Variants in CASZ1 observed in about 807,000 individuals in gnomAD.
CASZ1 encodes castor zinc finger 1, also known as zinc finger protein castor homolog 1.
A neutral mutation model predicts 135.2 loss-of-function variants in CASZ1; 28 were observed. That is an observed-to-expected ratio of 0.21 (90% CI 0.15 to 0.28). The LOEUF (loss-of-function observed/expected upper bound fraction) is 0.28. Among genes scored for constraint, CASZ1 ranks in the 10% least tolerant of loss-of-function variants. CASZ1 has a pLI of 1.00. For synonymous variants in CASZ1, 1,068 were observed against 1,073.4 expected (o/e 0.99, Z 0.10); for missense variants, 2,161 against 2,453.3 (o/e 0.88, Z 2.52).
At chr1:10,680,478 G>T (rs1005174142) in intron 4 of CASZ1, among the ~76,000 whole-genome samples, 4 of 152,188 alleles carry the variant, frequency 2.6e-5, no homozygotes, top group Non-Finnish European at 1.5e-5. Context: ...ATCCTGAGCA[G>T]CTACTGGCAC....
At chr1:10,718,108 C>T (rs2100477586) in intron 2 of CASZ1, among the ~76,000 whole-genome samples, 1 of 152,334 alleles carries the variant, frequency 6.6e-6, no homozygotes, top group Non-Finnish European at 1.5e-5. Context: ...TGCCACAGGG[C>T]CAGGGGCAGG....
intron 8 of CASZ1, among the ~76,000 whole-genome samples, chr1:10,656,163 T>G (rs1033713043): frequency 1.3e-5 from 2 of 152,096 alleles, no homozygotes; most frequent in Non-Finnish European, 1.5e-5. Flanking sequence ...CAGGCTGGGA[T>G]CCCTGGCAAG....
At chr1:10,731,866 C>T (rs980845299) in intron 2 of CASZ1, among the ~76,000 whole-genome samples, 3 of 152,202 alleles carry the variant, frequency 2.0e-5, no homozygotes, top group African/African-American at 7.2e-5. Context: ...CAACTCCACT[C>T]TTCTCACTAA....
In CASZ1 at chr1:10,720,520, C is replaced by A. The variant is rs1301064875; in HGVS notation, c.-76-14976G>T. 2.0e-5 allele frequency among the ~76,000 whole-genome samples: 3 copies of A among 152,178 alleles called. No individual in the cohort carries two copies. The highest frequency in any genetic ancestry group is 7.2e-5 in the African/African-American group (3 of 41,456). ...CGAAAGCAGCCACCAAGGCCCTGGA[C>A]TGTAAGGCTGGAGGGGAAGGTGGGA... On this transcript the variant is annotated intron_variant, in intron 2 of 20. Coordinates refer to ENST00000377022, the MANE Select transcript of CASZ1 (RefSeq NM_001079843.3). This position sits in a 1 kb window ranked among gnomAD's most constrained non-coding sequence, Gnocchi z 5.7.
In CASZ1 at chr1:10,776,230, A is replaced by G. The variant is rs1640659605; in HGVS notation, c.-233-15373T>C. Among the ~76,000 whole-genome samples the G allele has an allele frequency of 6.6e-6, 1 of 152,254 alleles. No individual in the cohort carries two copies. Among genetic ancestry groups the G allele is most frequent in the Non-Finnish European group, 1.5e-5 (1 of 68,036 alleles). On this transcript the variant is annotated intron_variant, in intron 1 of 20. Transcript: ENST00000377022. This position sits in a 1 kb window ranked among gnomAD's most constrained non-coding sequence, Gnocchi z 4.1. Reference sequence around the variant, plus strand: ...CCAGGGGAAGAGCTAAAATTAACATAGAGCGAGCAGTGTTTGCTATTACAT... The same window carrying G: ...CCAGGGGAAGAGCTAAAATTAACATGGAGCGAGCAGTGTTTGCTATTACAT...
In CASZ1 at chr1:10,701,972, G is replaced by A. The variant is rs112394657; in HGVS notation, c.-24+3520C>T. ...CTACTGAGGCTTCTCTTGGGCTTCC[G>A]GCCCCGCTGCCTGGGCGGCGTCTGT... On this transcript the variant is annotated intron_variant, in intron 3 of 20. Transcript: ENST00000377022. The surrounding 1 kb of genome is among the most constrained non-coding windows in gnomAD (Gnocchi z 6.3). Among the ~76,000 whole-genome samples, 201 of 152,320 alleles carry A rather than the reference G, an allele frequency of 1.3e-3. 1 individual carries two copies. The highest frequency in any genetic ancestry group is 4.7e-3 in the African/African-American group (194 of 41,576).
chr1:10,795,278 C>T (rs1641043373), intron 1 of CASZ1, among the ~76,000 whole-genome samples: 1 of 152,184 alleles, frequency 6.6e-6, no homozygotes, highest in African/African-American at 2.4e-5. Context: ...TGCCGTTAAG[C>T]CGGACCCTAA....
At chr1:10,651,217 C>T (rs1038683251) in intron 11 of CASZ1, 141 bp from the exon 12 acceptor site, 37 of 520,360 alleles carry the variant, frequency 7.1e-5, no homozygotes, top group Non-Finnish European at 1.0e-4. Context: ...CTGACGTGAT[C>T]GCTCGCGACG....
At chr1:10,785,165 CTTCT>C (rs1338349073) in intron 1 of CASZ1, among the ~76,000 whole-genome samples, 1 of 147,354 alleles carries the variant, frequency 6.8e-6, no homozygotes, top group Non-Finnish European at 1.5e-5. Flanking sequence ...TCCTTCCTTC[CTTCT>C]TTTCCTCCCT....
rs1640621441 is a variant in CASZ1 at position 10,774,116 on chromosome 1, A to G, written c.-233-13259T>C. On this transcript the variant is annotated intron_variant, in intron 1 of 20. Coordinates refer to ENST00000377022, the MANE Select transcript of CASZ1 (RefSeq NM_001079843.3). The surrounding 1 kb of genome is among the most constrained non-coding windows in gnomAD (Gnocchi z 4.4). ...GGGGTCCTCCACCGCCAGGCCCACAAGGGGCACTGCACTAATCCTCTTTTC... is the reference window on the plus strand; with the variant it reads ...GGGGTCCTCCACCGCCAGGCCCACAGGGGGCACTGCACTAATCCTCTTTTC... Among the ~76,000 whole-genome samples the G allele has an allele frequency of 6.6e-6, 1 of 152,150 alleles. No individual in the cohort carries two copies. Among genetic ancestry groups the G allele is most frequent in the Non-Finnish European group, 1.5e-5 (1 of 68,030 alleles).
At position 10,774,659 on chromosome 1, in the gene CASZ1, G is replaced by A. The variant is rs1640631528; in HGVS notation, c.-233-13802C>T. ...TGGCCCCACTGCTGGAGACTGGCCT[G>A]ACTCTTGGGTATCTCCCACCACCTG... On this transcript the variant is annotated intron_variant, in intron 1 of 20. Transcript: ENST00000377022. This position sits in a 1 kb window ranked among gnomAD's most constrained non-coding sequence, Gnocchi z 4.4. Among the ~76,000 whole-genome samples, 1 of 152,116 alleles carries A rather than the reference G, an allele frequency of 6.6e-6. No individual in the cohort carries two copies. Among genetic ancestry groups the A allele is most frequent in the Non-Finnish European group, 1.5e-5 (1 of 68,020 alleles).
rs898048973 is a variant in CASZ1, at chr1:10,735,397, G to T, written c.-77+25304C>A. ...GCGCCTGCAAACGCAGGCGAGGCCC[G>T]GGAGCTCTGGGAGGGGACGGGGGAC... On this transcript the variant is annotated intron_variant, in intron 2 of 20. Coordinates refer to ENST00000377022, the MANE Select transcript of CASZ1 (RefSeq NM_001079843.3). This position sits in a 1 kb window ranked among gnomAD's most constrained non-coding sequence, Gnocchi z 5.1. Among the ~76,000 whole-genome samples the T allele has an allele frequency of 6.6e-6, 1 of 152,138 alleles. No individual in the cohort carries two copies. Among genetic ancestry groups the T allele is most frequent in the Non-Finnish European group, 1.5e-5 (1 of 68,022 alleles).
intron 3 of CASZ1, among the ~76,000 whole-genome samples, chr1:10,703,559 C>G (rs965327929): frequency 6.6e-6 from 1 of 152,096 alleles, no homozygotes; most frequent in Non-Finnish European, 1.5e-5. Flanking sequence ...ATGCTGCTTC[C>G]CAGGGCCCTG....
chr1:10,658,929 C>G lies in CASZ1; in HGVS notation c.1341-353G>C, dbSNP rs531763020. ...AACAGGGAGGGATTCGAGGTGGGGG[C>G]AGGCAGCTGGGCAGGGGAAGTGTAT... On this transcript the variant is annotated intron_variant, in intron 6 of 20. Coordinates refer to ENST00000377022, the MANE Select transcript of CASZ1 (RefSeq NM_001079843.3). Among the ~76,000 whole-genome samples, 316 of 152,300 alleles carry G rather than the reference C, an allele frequency of 2.1e-3. 1 individual carries two copies. Among genetic ancestry groups the G allele is most frequent in the African/African-American group, 7.3e-3 (303 of 41,574 alleles).
At chr1:10,683,834 T>C (rs1210964288) in intron 4 of CASZ1, among the ~76,000 whole-genome samples, 1 of 152,158 alleles carries the variant, frequency 6.6e-6, no homozygotes, top group Admixed American at 6.5e-5. Context: ...CATTTTATCT[T>C]GCATCCCTGC....
In CASZ1 at chr1:10,657,625, G is replaced by C. The variant is rs931979983; in HGVS notation, c.1409+883C>G. Among the ~76,000 whole-genome samples the C allele has an allele frequency of 3.7e-4, 56 of 152,058 alleles. No individual in the cohort carries two copies. Among genetic ancestry groups the C allele is most frequent in the Non-Finnish European group, 6.6e-4 (45 of 67,940 alleles). The stretch of plus-strand genomic sequence containing the variant: ...GCAGAGCTGAAGACAGAGTGGGACA[G>C]GGGGGCGGAGACAGTGGGATGGGGG... On this transcript the variant is annotated intron_variant, in intron 7 of 20. Transcript: ENST00000377022. The surrounding 1 kb of genome is among the most constrained non-coding windows in gnomAD (Gnocchi z 5.7).
At chr1:10,761,980 C>T (rs542456194) in intron 1 of CASZ1, among the ~76,000 whole-genome samples, 2 of 152,168 alleles carry the variant, frequency 1.3e-5, no homozygotes, top group Non-Finnish European at 2.9e-5. Flanking sequence ...GTTCCTGAAG[C>T]GTGTGAGCGG....
At chr1:10,730,894 T>G (rs563936680) in intron 2 of CASZ1, among the ~76,000 whole-genome samples, 1 of 151,288 alleles carries the variant, frequency 6.6e-6, no homozygotes, top group African/African-American at 2.4e-5. Flanking sequence ...GATCATGAGG[T>G]CAGGAGTTCA....
chr1:10,765,623 T>G (rs1454710574), intron 1 of CASZ1, among the ~76,000 whole-genome samples: 4 of 152,128 alleles, frequency 2.6e-5, no homozygotes, highest in Non-Finnish European at 5.9e-5. Context: ...ATCTCACGGC[T>G]TCAGGTGACC....
Sources: gnomAD v4.1 joint callset for allele counts (sites outside exome capture counted in the v4.1 genomes callset) on GRCh38, gnomAD v4.1.1 for gene constraint, Gnocchi (gnomAD v3.1) non-coding constraint, MANE v1.5 for transcripts, NCBI Gene and HGNC (gene_info 2026-07-23, HGNC 2026-07-21) for gene names.